Variants in FSTL5 observed in about 807,000 individuals in gnomAD.
FSTL5 encodes follistatin like 5, also known as follistatin-related protein 5.
Under a neutral mutation model 89.1 loss-of-function variants are expected in FSTL5, and 62 were observed. The ratio of observed to expected loss-of-function variants is 0.70; its 90% CI spans 0.57 to 0.86. The LOEUF is 0.86. FSTL5 is among the 40% of genes least tolerant of loss of function. FSTL5 has a pLI of 0.00. For missense variants in FSTL5, 1,057 were observed against 1,001.6 expected, an observed-to-expected ratio of 1.06 and a Z score of -0.75; for synonymous variants, 383 against 346.2, an observed-to-expected ratio of 1.11 and a Z score of -1.18.
intron 3 of FSTL5, among the ~76,000 whole-genome samples, chr4:162,013,642 T>C (rs540403465): frequency 4.5e-4 from 69 of 152,302 alleles, no homozygotes; most frequent in African/African-American, 1.6e-3. Flanking sequence ...ACTTAGGTTT[T>C]ACAGGTTGGG....
At chr4:161,948,471 T>A (rs1734797807) in intron 3 of FSTL5, among the ~76,000 whole-genome samples, 1 of 139,912 alleles carries the variant, frequency 7.1e-6, no homozygotes, top group Admixed American at 8.1e-5. Flanking sequence ...GAACGGAATT[T>A]TTTTCTTTTC....
At chr4:161,680,776 A>C (rs543040457) in intron 6 of FSTL5, among the ~76,000 whole-genome samples, 46 of 152,112 alleles carry the variant, frequency 3.0e-4, no homozygotes, top group African/African-American at 1.0e-3. Context: ...TCAAGTAACA[A>C]ATTTATGAAA....
At chr4:162,000,592 A>T (rs1383480238) in intron 3 of FSTL5, among the ~76,000 whole-genome samples, 1 of 150,846 alleles carries the variant, frequency 6.6e-6, no homozygotes, top group Admixed American at 6.6e-5. Flanking sequence ...AGCGAGACTC[A>T]GTCTAAAAAA....
In FSTL5 at chr4:161,512,208, A is replaced by G. The variant is rs144722057; in HGVS notation, c.1313-1784T>C. On this transcript the variant is annotated intron_variant, in intron 10 of 15. Coordinates refer to ENST00000306100, the MANE Select transcript of FSTL5 (RefSeq NM_020116.5). ...AAATCTTTCTCTGGCCTATACAAAA[A>G]TAACAACGCATGTGTTTCCTTATAT... Among the ~76,000 whole-genome samples, 45 of 152,222 alleles carry G rather than the reference A, an allele frequency of 3.0e-4. No individual in the cohort carries two copies. The East Asian group carries it at 4.4e-3, about 15-fold the overall frequency.
chr4:161,474,585 G>C (rs1452452009), intron 13 of FSTL5, among the ~76,000 whole-genome samples: 1 of 146,942 alleles, frequency 6.8e-6, no homozygotes, highest in Non-Finnish European at 1.5e-5. Context: ...TCGCTCTCTC[G>C]CTCAGGCTGG....
intron 4 of FSTL5, among the ~76,000 whole-genome samples, chr4:161,891,338 GCT>G (rs2110754067): frequency 6.6e-6 from 1 of 152,138 alleles, no homozygotes; most frequent in East Asian, 1.9e-4. Context: ...TCAAAAGAAA[GCT>G]CTGTCCTTTG....
intron 3 of FSTL5, among the ~76,000 whole-genome samples, chr4:161,964,438 A>T (rs1053157118): frequency 6.6e-6 from 1 of 152,080 alleles, no homozygotes; most frequent in Non-Finnish European, 1.5e-5. Flanking sequence ...TCAAAATCAC[A>T]TAGTGCAATG....
intron 4 of FSTL5, among the ~76,000 whole-genome samples, chr4:161,804,718 T>A (rs920619163): frequency 6.6e-6 from 1 of 152,052 alleles, no homozygotes; most frequent in Non-Finnish European, 1.5e-5. Context: ...AGATTAATCA[T>A]GTATTCAGTT....
chr4:161,844,079 G>A (rs1439341743), intron 4 of FSTL5, among the ~76,000 whole-genome samples: 6 of 151,920 alleles, frequency 3.9e-5, no homozygotes, highest in African/African-American at 1.5e-4. Flanking sequence ...AATCTGCAAG[G>A]AACTTAAACA....
intron 4 of FSTL5, among the ~76,000 whole-genome samples, chr4:161,787,369 A>G (rs953682884): frequency 1.3e-5 from 2 of 152,094 alleles, no homozygotes; most frequent in African/African-American, 4.8e-5. Context: ...ATGATTGTAA[A>G]TGAGATTGAT....
intron 2 of FSTL5, among the ~76,000 whole-genome samples, chr4:162,044,922 TG>T (rs1738114780): frequency 6.6e-6 from 1 of 152,250 alleles, no homozygotes; most frequent in South Asian, 2.1e-4. Flanking sequence ...TGCTTTGGCT[TG>T]GGGGGAGGTT....
At chr4:161,699,767 TG>T (rs1382844791) in intron 6 of FSTL5, among the ~76,000 whole-genome samples, 1 of 152,196 alleles carries the variant, frequency 6.6e-6, no homozygotes, top group African/African-American at 2.4e-5. Context: ...GTATTTTTTT[TG>T]TGGGACTTGG....
At chr4:161,916,704 T>C (rs1332575737) in intron 4 of FSTL5, among the ~76,000 whole-genome samples, 1 of 152,060 alleles carries the variant, frequency 6.6e-6, no homozygotes, top group Non-Finnish European at 1.5e-5. Flanking sequence ...GTTCTACAAA[T>C]CATAAATCAC....
At chr4:162,047,556 G>A (rs891311575) in intron 2 of FSTL5, 3 of 152,180 alleles carry the variant, frequency 2.0e-5, no homozygotes, top group African/African-American at 7.2e-5. Flanking sequence ...TCCGCGAGGT[G>A]CGGTGGCTCA....
intron 6 of FSTL5, among the ~76,000 whole-genome samples, chr4:161,675,487 T>C (rs1737270212): frequency 6.6e-6 from 1 of 151,464 alleles, no homozygotes; most frequent in African/African-American, 2.4e-5. Context: ...CCTGAGAACC[T>C]ACTGAGTTCA....
intron 3 of FSTL5, among the ~76,000 whole-genome samples, chr4:162,006,933 T>G (rs755895572): frequency 6.6e-6 from 1 of 151,858 alleles, no homozygotes; most frequent in African/African-American, 2.4e-5. Flanking sequence ...TTTTGTTAAG[T>G]TAAAAAATAG....
At chr4:161,593,538 A>G (rs1733903515) in intron 7 of FSTL5, among the ~76,000 whole-genome samples, 2 of 151,456 alleles carry the variant, frequency 1.3e-5, no homozygotes, top group South Asian at 4.2e-4. Context: ...GGAAGAGGAG[A>G]AGGAGGAGGA....
In FSTL5 at chr4:161,831,851, T is replaced by C. The variant is rs1730856359; in HGVS notation, c.410-55777A>G. 3.3e-5 allele frequency among the ~76,000 whole-genome samples: 5 copies of C among 152,042 alleles called. No homozygotes were observed. The South Asian group carries it at 1.0e-3, about 32-fold the overall frequency. ...GAAAAATTTAAAGACTTTTAATTTTTAAATTTCATTCTTAGGATTTTAGAG... is the reference window on the plus strand; with the variant it reads ...GAAAAATTTAAAGACTTTTAATTTTCAAATTTCATTCTTAGGATTTTAGAG... On this transcript the variant is annotated intron_variant, in intron 4 of 15. Transcript: ENST00000306100.
chr4:162,047,779 C>T (rs771665845), intron 2 of FSTL5, among the ~76,000 whole-genome samples: 13 of 150,002 alleles, frequency 8.7e-5, no homozygotes, highest in Admixed American at 2.0e-4. Flanking sequence ...GAGCTGAGAT[C>T]GCACCACTGC....
Sources: gnomAD v4.1 joint callset for allele counts (sites outside exome capture counted in the v4.1 genomes callset) on GRCh38, gnomAD v4.1.1 for gene constraint, MANE v1.5 for transcripts, NCBI Gene and HGNC (gene_info 2026-07-23, HGNC 2026-07-21) for gene names.